PARG: variants seen among roughly 807,000 people sequenced by gnomAD.
PARG encodes the protein mitochondrial poly(ADP-ribose) glycohydrolase.
PARG carries 35 observed loss-of-function variants against 113.0 expected under a neutral mutation model. The ratio of observed to expected loss-of-function variants is 0.31; its 90% CI spans 0.24 to 0.41. PARG has a LOEUF of 0.41. PARG is among the 10% of genes least tolerant of loss of function. PARG has a pLI of 1.00. For synonymous variants in PARG, 330 were observed against 409.9 expected, an observed-to-expected ratio of 0.81 and a Z score of 2.36; for missense variants, 797 against 1,169.4, an observed-to-expected ratio of 0.68 and a Z score of 4.64.
At chr10:49,846,578 CT>C (rs1845520888) in intron 13 of PARG, among the ~76,000 whole-genome samples, 1 of 151,998 alleles carries the variant, frequency 6.6e-6, no homozygotes, top group Non-Finnish European at 1.5e-5. Context: ...CTGAAATCAC[CT>C]TTTGTATATA....
At chr10:49,880,045 CAAT>C (rs1387467606) in intron 8 of PARG, among the ~76,000 whole-genome samples, 6 of 149,944 alleles carry the variant, frequency 4.0e-5, no homozygotes, top group African/African-American at 9.9e-5. Flanking sequence ...GATTTCTAAT[CAAT>C]AATAATGATA....
chr10:49,881,351 C>T (rs1452215679), intron 8 of PARG, among the ~76,000 whole-genome samples: 4 of 152,232 alleles, frequency 2.6e-5, no homozygotes, highest in Admixed American at 2.0e-4. Context: ...AAATATTTTA[C>T]AGAGTTTGAC....
intron 7 of PARG, among the ~76,000 whole-genome samples, chr10:49,895,546 T>C (rs1309584497): frequency 2.0e-5 from 3 of 151,974 alleles, no homozygotes; most frequent in Non-Finnish European, 4.4e-5. Context: ...TGGGAGTATA[T>C]GTGCCCGCCA....
intron 7 of PARG, among the ~76,000 whole-genome samples, chr10:49,895,523 C>A (rs1848039045): frequency 6.6e-6 from 1 of 152,048 alleles, no homozygotes; most frequent in Non-Finnish European, 1.5e-5. Flanking sequence ...CCTGCCTCAG[C>A]CTCCTGACTA....
intron 7 of PARG, among the ~76,000 whole-genome samples, chr10:49,887,288 A>G (rs2015984): frequency 0.095 from 14,381 of 152,172 alleles, 1,107 homozygotes; most frequent in East Asian, 0.32. Flanking sequence ...GTTTCTCTCA[A>G]TGGTTACATT....
chr10:49,880,991 G>A (rs1554839360), intron 8 of PARG, among the ~76,000 whole-genome samples: 1 of 152,164 alleles, frequency 6.6e-6, no homozygotes, highest in African/African-American at 2.4e-5. Context: ...TTCCAGGTGA[G>A]AATTAAGAAA....
intron 6 of PARG, among the ~76,000 whole-genome samples, chr10:49,916,624 G>A (rs1407938268): frequency 2.0e-5 from 3 of 151,944 alleles, no homozygotes; most frequent in Non-Finnish European, 4.4e-5. Context: ...ATCTACTGGT[G>A]TAGCTTTTAA....
At chr10:49,939,213 A>G (rs1838893729) in intron 1 of PARG, among the ~76,000 whole-genome samples, 1 of 152,222 alleles carries the variant, frequency 6.6e-6, no homozygotes, top group Non-Finnish European at 1.5e-5. Context: ...GTTCTCTGAA[A>G]TCTACATCCT....
At chr10:49,834,167 C>CA (rs1211412406) in intron 15 of PARG, among the ~76,000 whole-genome samples, 1 of 151,878 alleles carries the variant, frequency 6.6e-6, no homozygotes, top group Non-Finnish European at 1.5e-5. Context: ...TCTTTCAGGT[C>CA]AAAAAAATCT....
chr10:49,913,747 A>G (rs1422392408), intron 7 of PARG, among the ~76,000 whole-genome samples: 1 of 152,148 alleles, frequency 6.6e-6, no homozygotes, highest in African/African-American at 2.4e-5. Flanking sequence ...TACTAAAAAT[A>G]TAAAAATTAG....
chr10:49,853,788 A>AT (rs1845864701), intron 13 of PARG, among the ~76,000 whole-genome samples: 1 of 152,122 alleles, frequency 6.6e-6, no homozygotes, highest in Middle Eastern at 3.2e-3. Context: ...ACAATTTTTT[A>AT]TTTTTTGCCT....
In PARG at chr10:49,839,262, G is replaced by A. The variant is rs138769102; in HGVS notation, c.2541+2688C>T. Among the ~76,000 whole-genome samples the A allele has an allele frequency of 4.8e-3, 732 of 152,048 alleles. 4 individuals carry two copies. The highest frequency in any genetic ancestry group is 0.017 in the Middle Eastern group (5 of 294). On this transcript the variant is annotated intron_variant, in intron 15 of 17. Coordinates refer to ENST00000616448, the MANE Select transcript of PARG (RefSeq NM_003631.5). Reference sequence around the variant, plus strand: ...TGAAGCAGGAGAATCACTTGTACCCGGGAGGCGGAAGTTGCAGTGAACTGA... The same window carrying A: ...TGAAGCAGGAGAATCACTTGTACCCAGGAGGCGGAAGTTGCAGTGAACTGA...
At chr10:49,927,378 GAAAGAAAGAAAGAAA>G (rs1838251261) in intron 4 of PARG, among the ~76,000 whole-genome samples, 1 of 42,650 alleles carries the variant, frequency 2.3e-5, no homozygotes, top group South Asian at 9.7e-4. Context: ...AGGAAAGAAA[GAAAGAAAGAAAGAAA>G]GAAAGAAAGA....
chr10:49,892,844 GGCCAA>G (rs1280765897), intron 7 of PARG, among the ~76,000 whole-genome samples: 1 of 152,198 alleles, frequency 6.6e-6, no homozygotes, highest in Non-Finnish European at 1.5e-5. Context: ...CACTTTAGGA[GGCCAA>G]GCCAAGTGGA....
At chr10:49,911,575 G>A (rs1407254069) in intron 7 of PARG, among the ~76,000 whole-genome samples, 4 of 152,322 alleles carry the variant, frequency 2.6e-5, no homozygotes, top group African/African-American at 7.2e-5. Flanking sequence ...CAGCCATTTC[G>A]ACTCAGTAGC....
In PARG at chr10:49,932,138, G is replaced by C. The variant is rs1838516490; in HGVS notation, c.1417C>G (p.Leu473Val). ...RMPRCGIRLP[L>V]LRPSANHTVT... The stretch of plus-strand genomic sequence containing the variant: ...GTGTGATTGGCAGATGGTCTCAAGA[G>C]AGGCAGCCGGATCCCACACCGAGGC... The change falls in exon 4 of 18, where the codon CTC becomes GTC. Residue 473 changes from leucine to valine, a missense_variant. Physicochemically the swap from Leu to Val is conservative, Grantham distance 32. Around this residue, in one of 5 missense-constraint regions of PARG, gnomAD observed 252 missense variants for 437.4 expected, o/e 0.58. Coordinates refer to ENST00000616448, the MANE Select transcript of PARG (RefSeq NM_003631.5). 6.2e-7 allele frequency: 1 copy of C among 1,605,738 alleles called. No homozygotes were observed. The highest frequency in any genetic ancestry group is 1.3e-5 in the African/African-American group (1 of 74,912).
At chr10:49,821,868 C>A (rs2438671) in intron 16 of PARG, among the ~76,000 whole-genome samples, 151,823 of 152,338 alleles carry the variant, frequency 1, 75,656 homozygotes, top group Middle Eastern at 1. Flanking sequence ...GGAAGAAGAA[C>A]AGGAAGAAAG....
At chr10:49,911,113 T>C (rs1554846119) in intron 7 of PARG, among the ~76,000 whole-genome samples, 3 of 152,054 alleles carry the variant, frequency 2.0e-5, no homozygotes, top group Non-Finnish European at 4.4e-5. Context: ...TGAAACCCTG[T>C]CTCTACTAAA....
At chr10:49,833,497 T>C (rs1474288476) in intron 15 of PARG, among the ~76,000 whole-genome samples, 1 of 152,232 alleles carries the variant, frequency 6.6e-6, no homozygotes, top group Non-Finnish European at 1.5e-5. Context: ...ACCTTTAAGA[T>C]GCCTTTTGGC....
Sources: allele counts gnomAD v4.1 joint callset (sites outside exome capture counted in the v4.1 genomes callset), GRCh38; gene constraint gnomAD v4.1.1; regional missense constraint gnomAD v4.1.1; transcripts MANE v1.5; gene names NCBI Gene and HGNC (gene_info 2026-07-23, HGNC 2026-07-21).